The following ZNF618 variants were observed in gnomAD, a reference collection of about 807,000 sequenced individuals.
The protein encoded by ZNF618 is zinc finger protein 618.
ZNF618 carries 34 observed loss-of-function variants against 103.0 expected under a neutral mutation model. That is an observed-to-expected ratio of 0.33 (90% confidence interval 0.25 to 0.44). The LOEUF (loss-of-function observed/expected upper bound fraction) is 0.44. Ranked by LOEUF, ZNF618 falls within the 20% of genes least tolerant of loss-of-function variation. ZNF618 has a pLI of 1.00. For missense variants in ZNF618, 1,059 were observed against 1,295.4 expected (o/e 0.82, Z 2.80); for synonymous variants, 551 against 542.2 (o/e 1.02, Z -0.23).
intron 1 of ZNF618, among the ~76,000 whole-genome samples, chr9:113,958,632 G>C (rs1001527333): frequency 6.6e-6 from 1 of 152,212 alleles, no homozygotes; most frequent in Non-Finnish European, 1.5e-5. Flanking sequence ...GATGCATCCA[G>C]CGTCCCATTC....
In ZNF618 at chr9:113,949,846, C is replaced by T. The variant is rs114987245; in HGVS notation, c.34-19271C>T. On this transcript the variant is annotated intron_variant, in intron 1 of 14. Coordinates refer to ENST00000374126, the MANE Select transcript of ZNF618 (RefSeq NM_001318042.2). ...CAGCATCTCCAAAATCAATTTCCAG[C>T]GAAGTCGCGCCACCTGGTAGCGCCG... 2.7e-3 allele frequency among the ~76,000 whole-genome samples: 417 copies of T among 152,356 alleles called. 6 individuals carry two copies. Among genetic ancestry groups the T allele is most frequent in the African/African-American group, 9.7e-3 (402 of 41,580 alleles).
intron 1 of ZNF618, among the ~76,000 whole-genome samples, chr9:113,939,324 C>G (rs1164907596): frequency 6.6e-6 from 1 of 151,988 alleles, no homozygotes; most frequent in Non-Finnish European, 1.5e-5. Context: ...TTGCCTCATA[C>G]TATCTCAGAA....
At chr9:113,876,575 AC>A (rs535225206) in intron 1 of ZNF618, among the ~76,000 whole-genome samples, 162 bp downstream of exon 1, 17 of 139,512 alleles carry the variant, frequency 1.2e-4, no homozygotes, top group African/African-American at 4.3e-4. Flanking sequence ...TCCGGAGAGC[AC>A]CCCCCCGGGC....
chr9:113,917,095 T>C (rs1232182367), intron 1 of ZNF618, among the ~76,000 whole-genome samples: 1 of 152,068 alleles, frequency 6.6e-6, no homozygotes, highest in Non-Finnish European at 1.5e-5. Flanking sequence ...TGACTTTGTT[T>C]TTTCTCTGTC....
intron 1 of ZNF618, among the ~76,000 whole-genome samples, chr9:113,950,680 G>A (rs1835480084): frequency 6.6e-6 from 1 of 152,192 alleles, no homozygotes; most frequent in Non-Finnish European, 1.5e-5. Context: ...TCGGCCTGGG[G>A]AAAGAGGCAT....
At position 114,052,354 on chromosome 9, in the gene ZNF618, G is replaced by A. The variant is rs1009221339; in HGVS notation, c.*2187G>A. On this transcript the variant is annotated 3_prime_UTR_variant, in exon 15 of 15. Coordinates refer to ENST00000374126, the MANE Select transcript of ZNF618 (RefSeq NM_001318042.2). Reference sequence around the variant, plus strand: ...GAACTACCATGCCATTTCCTCTCCTGGAGAAGTTCTAGGTATTACCTCCAC... The same window carrying A: ...GAACTACCATGCCATTTCCTCTCCTAGAGAAGTTCTAGGTATTACCTCCAC... 1 of 152,594 alleles carries A rather than the reference G, an allele frequency of 6.6e-6. No individual in the cohort carries two copies. The highest frequency in any genetic ancestry group is 6.5e-5 in the Admixed American group (1 of 15,282). The allele number at this position is 152,594 out of a possible 1,614,324, so 9.5% of individuals were successfully genotyped here.
At chr9:113,914,732 G>A (rs1831909334) in intron 1 of ZNF618, among the ~76,000 whole-genome samples, 1 of 152,214 alleles carries the variant, frequency 6.6e-6, no homozygotes, top group Non-Finnish European at 1.5e-5. Flanking sequence ...AGAGGGCTGG[G>A]TAGGGGAAGG....
At position 114,049,791 on chromosome 9, in the gene ZNF618, G is replaced by C. The variant is rs1332415129; in HGVS notation, c.2489G>C (p.Cys830Ser). ...YQHEEIIGKV[C>S]ELINEVKESW... The stretch of plus-strand genomic sequence containing the variant: ...CACGAGGAGATCATCGGCAAGGTCT[G>C]TGAGCTCATCAACGAGGTGAAGGAG... Residue 830 changes from cysteine (C) to serine (S), a missense_variant, in exon 15 of 15, where the codon TGT becomes TCT. Cys to Ser is a moderately radical substitution (Grantham distance 112, BLOSUM62 -1). Around this residue, in one of 6 missense-constraint regions of ZNF618, gnomAD observed 156 missense variants for 197.1 expected, o/e 0.79. Coordinates refer to ENST00000374126, the MANE Select transcript of ZNF618 (RefSeq NM_001318042.2). 2.5e-6 allele frequency: 4 copies of C among 1,614,004 alleles called. No individual in the cohort carries two copies. In the South Asian group the frequency reaches 4.4e-5, roughly 18 times the overall value.
chr9:113,913,057 C>G (rs1419679679), intron 1 of ZNF618, among the ~76,000 whole-genome samples: 5 of 151,974 alleles, frequency 3.3e-5, no homozygotes, highest in African/African-American at 1.2e-4. Flanking sequence ...GGCAAGTGAT[C>G]TATAAGGGAG....
At chr9:113,908,068 A>G (rs1831147390) in intron 1 of ZNF618, among the ~76,000 whole-genome samples, 2 of 152,180 alleles carry the variant, frequency 1.3e-5, no homozygotes, top group Admixed American at 1.3e-4. Context: ...TCCATGAAAC[A>G]GTGACACCCA....
intron 9 of ZNF618, among the ~76,000 whole-genome samples, chr9:114,014,885 A>G (rs1402870520): frequency 2.0e-5 from 3 of 152,196 alleles, no homozygotes; most frequent in Non-Finnish European, 4.4e-5. Flanking sequence ...GTGTTGGAAA[A>G]TAGTTTTATG....
At position 114,001,999 on chromosome 9, in the gene ZNF618, C is replaced by T. The variant is rs780418239; in HGVS notation, c.437C>T (p.Ser146Phe). 68 of 1,613,762 alleles carry T rather than the reference C, an allele frequency of 4.2e-5. No homozygotes were observed. Among genetic ancestry groups the T allele is most frequent in the Non-Finnish European group, 8.5e-7 (1 of 1,179,798 alleles). The change falls in exon 5 of 15, where the codon TCT becomes TTT. Residue 146 changes from serine (S) to phenylalanine (F), a missense_variant. Around this residue, in one of 6 missense-constraint regions of ZNF618, gnomAD observed 194 missense variants for 209.0 expected, o/e 0.93. Transcript: ENST00000374126. The stretch of plus-strand genomic sequence containing the variant: ...CCTTTCCTCTTCTGTTTTCCAGGGT[C>T]TTACGAATGCGGAATCTGTGGCAAG... ...FDQALRYASG[S>F]YECGICGKKY...
intron 1 of ZNF618, among the ~76,000 whole-genome samples, chr9:113,922,053 T>G (rs1279041634): frequency 6.6e-6 from 1 of 152,162 alleles, no homozygotes; most frequent in Non-Finnish European, 1.5e-5. Context: ...GTATCGATAC[T>G]TTGATGTATG....
At chr9:114,002,470 G>A (rs1314165728) in intron 5 of ZNF618, among the ~76,000 whole-genome samples, 154 bp from the exon 6 acceptor site, 1 of 152,202 alleles carries the variant, frequency 6.6e-6, no homozygotes, top group African/African-American at 2.4e-5. Context: ...TCCTCCCGGA[G>A]CCTGGCAGAC....
chr9:113,948,270 C>G (rs1483481882), intron 1 of ZNF618, among the ~76,000 whole-genome samples: 1 of 152,186 alleles, frequency 6.6e-6, no homozygotes. Flanking sequence ...ACTGATTCCT[C>G]CCAGGCAGCC....
chr9:113,882,890 C>T (rs1828663725), intron 1 of ZNF618, among the ~76,000 whole-genome samples: 1 of 152,172 alleles, frequency 6.6e-6, no homozygotes, highest in Non-Finnish European at 1.5e-5. Flanking sequence ...GCTCCCCCAA[C>T]AAATTTCCCC....
At chr9:114,002,514 G>T in intron 5 of ZNF618, 110 bp from the exon 6 acceptor site, 1 of 1,247,292 alleles carries the variant, frequency 8.0e-7, no homozygotes, top group Non-Finnish European at 1.1e-6. Flanking sequence ...GGCCCGGTGC[G>T]GGACTGTGAG....
chr9:113,895,982 A>C (rs1260897845), intron 1 of ZNF618, among the ~76,000 whole-genome samples: 1 of 152,108 alleles, frequency 6.6e-6, no homozygotes, highest in Non-Finnish European at 1.5e-5. Flanking sequence ...TTTGCATAGA[A>C]CAGAATATAA....
At chr9:113,987,316 A>G (rs9695257) in intron 2 of ZNF618, among the ~76,000 whole-genome samples, 91,903 of 151,974 alleles carry the variant, frequency 0.6, 28,066 homozygotes, top group Middle Eastern at 0.79. Context: ...GCCTGTCCCC[A>G]ATTTTATGTC....
Sources: allele counts gnomAD v4.1 joint callset (sites outside exome capture counted in the v4.1 genomes callset), GRCh38; gene constraint gnomAD v4.1.1; regional missense constraint gnomAD v4.1.1; transcripts MANE v1.5; gene names NCBI Gene and HGNC (gene_info 2026-07-23, HGNC 2026-07-21).